Variants in DYM observed in about 807,000 individuals in gnomAD.
DYM encodes dyggve-Melchior-Clausen syndrome protein.
DYM carries 78 observed loss-of-function variants against 93.1 expected under a neutral mutation model. The ratio of observed to expected loss-of-function variants is 0.84; its 90% confidence interval spans 0.70 to 1.01. The LOEUF (loss-of-function observed/expected upper bound fraction) is 1.01. Ranked by LOEUF, DYM falls within the 50% of genes least tolerant of loss-of-function variation. The pLI, the probability that DYM is intolerant of heterozygous loss-of-function variation, is 0.00. For missense variants in DYM, 789 were observed against 845.0 expected (o/e 0.93, Z 0.82); for synonymous variants, 321 against 319.7 (o/e 1.00, Z -0.04).
chr18:49,396,280 G>A (rs2070067861), intron 2 of DYM, among the ~76,000 whole-genome samples: 1 of 152,140 alleles, frequency 6.6e-6, no homozygotes, highest in South Asian at 2.1e-4. Context: ...ACAACAGTAG[G>A]GAGGTTTTTC....
intron 9 of DYM, 115 bp from the exon 10 acceptor site, chr18:49,282,290 C>A: frequency 9.4e-7 from 1 of 1,065,596 alleles, no homozygotes; most frequent in South Asian, 1.4e-5. Context: ...AAAGTCACTA[C>A]ATTTCAGATT....
chr18:49,312,479 C>T (rs537228998), intron 8 of DYM, among the ~76,000 whole-genome samples: 1 of 152,268 alleles, frequency 6.6e-6, no homozygotes, highest in East Asian at 1.9e-4. Flanking sequence ...GCACACACTC[C>T]CCAGTCTGAG....
At chr18:49,403,949 G>C (rs1468771983) in intron 2 of DYM, among the ~76,000 whole-genome samples, 2 of 151,718 alleles carry the variant, frequency 1.3e-5, no homozygotes, top group African/African-American at 4.8e-5. Flanking sequence ...AATAGTCTAT[G>C]GCATATATAT....
chr18:49,372,701 C>T (rs1197638666), intron 5 of DYM, among the ~76,000 whole-genome samples: 4 of 152,114 alleles, frequency 2.6e-5, no homozygotes, highest in African/African-American at 9.7e-5. Flanking sequence ...GCCGAGATTG[C>T]ACCACCGCAC....
At chr18:49,455,621 A>G (rs567512130) in intron 1 of DYM, among the ~76,000 whole-genome samples, 8 of 152,330 alleles carry the variant, frequency 5.3e-5, no homozygotes, top group East Asian at 1.9e-4. Context: ...AGTTTCAAAA[A>G]GTATGTAGGT....
chr18:49,272,681 G>C (rs2094737198), intron 10 of DYM, among the ~76,000 whole-genome samples: 1 of 152,102 alleles, frequency 6.6e-6, no homozygotes, highest in South Asian at 2.1e-4. Flanking sequence ...TTTAATTTAT[G>C]TGCTTAGCAC....
chr18:49,193,943 T>C (rs1437325651), intron 14 of DYM, among the ~76,000 whole-genome samples: 3 of 152,260 alleles, frequency 2.0e-5, no homozygotes, highest in African/African-American at 7.2e-5. Context: ...TGTGATGATT[T>C]AGTTACTTAG....
At chr18:49,123,569 C>A (rs2082560107) in intron 15 of DYM, among the ~76,000 whole-genome samples, 1 of 152,190 alleles carries the variant, frequency 6.6e-6, no homozygotes, top group South Asian at 2.1e-4. Context: ...AGCTGAGCTC[C>A]CAACCACTTC....
chr18:49,317,918 A>G (rs1247953240), intron 8 of DYM, among the ~76,000 whole-genome samples: 2 of 152,070 alleles, frequency 1.3e-5, no homozygotes, highest in Non-Finnish European at 1.5e-5. Context: ...ACTCCTGCTT[A>G]TAACACATTC....
intron 2 of DYM, among the ~76,000 whole-genome samples, chr18:49,425,717 C>A (rs938233668): frequency 6.9e-4 from 105 of 152,152 alleles, no homozygotes; most frequent in Non-Finnish European, 1.2e-3. Context: ...AAACAACCCC[C>A]ATCAAAAAGT....
At chr18:49,121,873 G>GT (rs2082412440) in intron 15 of DYM, among the ~76,000 whole-genome samples, 1 of 152,084 alleles carries the variant, frequency 6.6e-6, no homozygotes. Flanking sequence ...ATAAAAATAA[G>GT]TTGAGATAAT....
chr18:49,335,428 C>T (rs2063585796), intron 6 of DYM, among the ~76,000 whole-genome samples: 1 of 151,942 alleles, frequency 6.6e-6, no homozygotes, highest in Non-Finnish European at 1.5e-5. Flanking sequence ...TGCACTCCAG[C>T]CTGGGCAACA....
At chr18:49,279,982 T>C (rs191962847) in intron 10 of DYM, among the ~76,000 whole-genome samples, 77 of 152,324 alleles carry the variant, frequency 5.1e-4, no homozygotes, top group African/African-American at 1.8e-3. Flanking sequence ...AACCAAATAC[T>C]GGGAGAATCC....
At chr18:49,076,870 A>T (rs965815099) in intron 17 of DYM, among the ~76,000 whole-genome samples, 1 of 152,216 alleles carries the variant, frequency 6.6e-6, no homozygotes, top group Non-Finnish European at 1.5e-5. Flanking sequence ...AATGCTCTTA[A>T]GTCTTCCTCA....
At chr18:49,248,562 C>T (rs1341782156) in intron 13 of DYM, among the ~76,000 whole-genome samples, 1 of 151,868 alleles carries the variant, frequency 6.6e-6, no homozygotes, top group East Asian at 1.9e-4. Flanking sequence ...CAGATAATTC[C>T]TTCCCTAAAG....
intron 14 of DYM, among the ~76,000 whole-genome samples, chr18:49,170,503 CG>C: frequency 6.6e-6 from 1 of 152,012 alleles, no homozygotes; most frequent in East Asian, 1.9e-4. Context: ...TGTATGAGGT[CG>C]GGTGTGCTGG....
At chr18:49,095,156 T>C (rs993547092) in intron 17 of DYM, among the ~76,000 whole-genome samples, 4 of 152,218 alleles carry the variant, frequency 2.6e-5, no homozygotes, top group Admixed American at 6.5e-5. Flanking sequence ...TCATGTAGTA[T>C]CATGTAAACA....
intron 10 of DYM, among the ~76,000 whole-genome samples, chr18:49,273,780 C>A (rs2094774383): frequency 6.6e-6 from 1 of 151,350 alleles, no homozygotes; most frequent in African/African-American, 2.4e-5. Flanking sequence ...AGAACGCCTC[C>A]CCACATTAAG....
intron 10 of DYM, among the ~76,000 whole-genome samples, chr18:49,276,971 G>A (rs2094859388): frequency 2.0e-5 from 3 of 152,172 alleles, no homozygotes; most frequent in Non-Finnish European, 1.5e-5. Flanking sequence ...AGATAATAAG[G>A]AGAGAAAATA....
Sources: allele counts gnomAD v4.1 joint callset (sites outside exome capture counted in the v4.1 genomes callset), GRCh38; gene constraint gnomAD v4.1.1; transcripts MANE v1.5; gene names NCBI Gene and HGNC (gene_info 2026-07-23, HGNC 2026-07-21).